Variants in NRL observed in about 807,000 individuals in gnomAD.
NRL encodes neural retina leucine zipper.
A neutral mutation model predicts 12.5 loss-of-function variants in NRL; 16 were observed. That is an observed-to-expected ratio of 1.28 (90% CI 0.87 to 1.95). NRL has a LOEUF of 1.95. Ranked by LOEUF, NRL falls within the 30% of genes most tolerant of loss-of-function variation. NRL has a pLI of 0.00. For missense variants in NRL, 314 were observed against 325.8 expected (o/e 0.96, Z 0.28); for synonymous variants, 142 against 150.9 (o/e 0.94, Z 0.43).
chr14:24,094,361 G>A lies in NRL; in HGVS notation c.-27-11486C>T. 1 of 1,519,086 alleles carries A rather than the reference G, an allele frequency of 6.6e-7. No homozygotes were observed. The highest frequency in any genetic ancestry group is 8.9e-7 in the Non-Finnish European group (1 of 1,129,310). 94.1% of individuals were successfully genotyped at this position (1,519,086 alleles called of 1,614,324 possible). On this transcript the variant is annotated intron_variant, in intron 1 of 2. Transcript: ENST00000561028. The surrounding 1 kb of genome is among the most constrained non-coding windows in gnomAD (Gnocchi z 4.1). ...CTTCCCCGCCTTCCATACCTCCCCG[G>A]CTCCGCTCGGTTCCTGGCCACCCCG...
intron 1 of NRL, among the ~76,000 whole-genome samples, chr14:24,109,214 A>G (rs756809662): frequency 2.6e-4 from 39 of 152,228 alleles, no homozygotes; most frequent in Non-Finnish European, 4.1e-4. Context: ...AACGTACCAA[A>G]TTTCAAAATC....
At chr14:24,091,119 CTGTGTGTGTGTGTGTGTGTGTG>C (rs55656236) in intron 1 of NRL, among the ~76,000 whole-genome samples, 10 of 138,644 alleles carry the variant, frequency 7.2e-5, no homozygotes, top group Admixed American at 2.1e-4. Context: ...CAGAAAAGGC[CTGTGTGTGTGTGTGTGTGTGTG>C]TGTGTGTGTG....
intron 1 of NRL, 57 bp from the exon 2 acceptor site, chr14:24,082,932 AC>A (rs1423362104): frequency 6.7e-7 from 1 of 1,502,674 alleles, no homozygotes; most frequent in African/African-American, 1.4e-5. Flanking sequence ...TCCCCTCTTC[AC>A]CAAGTCCCTC....
In NRL at chr14:24,103,814, C is replaced by T. The variant is rs367870843; in HGVS notation, c.-28+10908G>A. The T allele has an allele frequency of 3.1e-6, 5 of 1,614,026 alleles. No homozygotes were observed. In the African/African-American group the frequency reaches 4.0e-5, roughly 13 times the overall value. On this transcript the variant is annotated intron_variant, in intron 1 of 2. Transcript: ENST00000561028. Reference sequence around the variant, plus strand: ...ATCTCAGCGGCCTCAGAGCTATAGACACCACTCAGCTGTTCTCCCTCCCCA... The same window carrying T: ...ATCTCAGCGGCCTCAGAGCTATAGATACCACTCAGCTGTTCTCCCTCCCCA...
chr14:24,101,365 G>A lies in NRL; in HGVS notation c.-28+13357C>T, dbSNP rs139661635. 3.2e-3 allele frequency among the ~76,000 whole-genome samples: 490 copies of A among 152,250 alleles called. 3 individuals carry two copies. Among genetic ancestry groups the A allele is most frequent in the African/African-American group, 0.011 (449 of 41,538 alleles). On this transcript the variant is annotated intron_variant, in intron 1 of 2. Transcript: ENST00000561028. ...GGGAGAGGGTGGGGATTTTGGCCCC[G>A]TGGCTTCCCCACTCCCCAGGTCTGA...
chr14:24,102,841 AGAGGGTGTCCCCATT>A (rs1306733725), intron 1 of NRL: 11 of 1,613,998 alleles, frequency 6.8e-6, no homozygotes, highest in Non-Finnish European at 9.3e-6. Context: ...GGGAGGCCCC[AGAGGGTGTCCCCATT>A]GACGCCATCA....
In NRL at chr14:24,114,793, C is replaced by T. The variant is rs2037500209; in HGVS notation, c.-99G>A. ...GGGGCCGTCGTGTGACGTTTGCAGC[C>T]CGCCGGCCAGGAAGCCGCGAGATGC... On this transcript the variant is annotated 5_prime_UTR_variant, in exon 1 of 3. Coordinates refer to ENST00000561028, the MANE Select transcript of NRL (RefSeq NM_001354768.3). The T allele has an allele frequency of 7.1e-6, 7 of 985,846 alleles. No individual in the cohort carries two copies. Among genetic ancestry groups the T allele is most frequent in the Non-Finnish European group, 7.2e-6 (6 of 829,976 alleles). 61.1% of individuals were successfully genotyped at this position (985,846 alleles called of 1,614,324 possible).
rs569415989 is a variant in NRL, at chr14:24,091,928, G to A, written c.-27-9053C>T. On this transcript the variant is annotated intron_variant, in intron 1 of 2. Transcript: ENST00000561028. ...GCAGGCATCTTGGAGGTCAAGTGCG[G>A]CATTTGACCTTTGATTTAGGGTGTT... Among the ~76,000 whole-genome samples the A allele has an allele frequency of 2.6e-5, 4 of 152,236 alleles. No homozygotes were observed. The East Asian group carries it at 5.8e-4, about 22-fold the overall frequency.
chr14:24,098,450 A>T, intron 1 of NRL: 2 of 1,613,724 alleles, frequency 1.2e-6, no homozygotes, highest in Non-Finnish European at 1.7e-6. Context: ...GGAACCCTTC[A>T]TCCAGGGGAT....
intron 1 of NRL, among the ~76,000 whole-genome samples, chr14:24,083,109 G>GCA (rs2036370997): frequency 6.6e-6 from 1 of 152,244 alleles, no homozygotes; most frequent in African/African-American, 2.4e-5. Flanking sequence ...GAAGAGGACA[G>GCA]CACAGCCTCT....
rs1021548943 is a variant in NRL at position 24,091,196 on chromosome 14, G to T, written c.-27-8321C>A. ...GACAGAGTCTCACTGTGTTGCCCAG[G>T]CTGGAGTGCAGTGGTGCGATCTCGG... On this transcript the variant is annotated intron_variant, in intron 1 of 2. Coordinates refer to ENST00000561028, the MANE Select transcript of NRL (RefSeq NM_001354768.3). 3.3e-5 allele frequency among the ~76,000 whole-genome samples: 5 copies of T among 151,374 alleles called. No homozygotes were observed. In the East Asian group the frequency reaches 9.8e-4, roughly 30 times the overall value.
intron 1 of NRL, among the ~76,000 whole-genome samples, chr14:24,083,865 T>G (rs1338439744): frequency 6.6e-6 from 1 of 152,214 alleles, no homozygotes; most frequent in Non-Finnish European, 1.5e-5. Flanking sequence ...AAAAGTGTCC[T>G]AAACTTATGT....
chr14:24,089,279 G>A lies in NRL; in HGVS notation c.-27-6404C>T, dbSNP rs180761772. ...TCTTTTTTTTTTGAGACAGGGTCTC[G>A]CTCTGTTACCCAGGCTGGAGTGCAG... On this transcript the variant is annotated intron_variant, in intron 1 of 2. Coordinates refer to ENST00000561028, the MANE Select transcript of NRL (RefSeq NM_001354768.3). Among the ~76,000 whole-genome samples, 204 of 151,754 alleles carry A rather than the reference G, an allele frequency of 1.3e-3. 7 individuals are homozygous for A. The South Asian group carries it at 0.021, about 15-fold the overall frequency.
In NRL at chr14:24,094,031, C is replaced by T; in HGVS notation, c.-27-11156G>A. The T allele has an allele frequency of 1.9e-6, 1 of 531,206 alleles. No homozygotes were observed. The highest frequency in any genetic ancestry group is 3.3e-6 in the Non-Finnish European group (1 of 303,636). 32.9% of individuals were successfully genotyped at this position (531,206 alleles called of 1,614,324 possible). On this transcript the variant is annotated intron_variant, in intron 1 of 2. Coordinates refer to ENST00000561028, the MANE Select transcript of NRL (RefSeq NM_001354768.3). The surrounding 1 kb of genome is among the most constrained non-coding windows in gnomAD (Gnocchi z 4.1). ...TGTCTCTCCCGGGAGCAAGAGTCCT[C>T]AAAGTTACATCATGTGCGGCTGGGA...
rs995259583 is a variant in NRL at position 24,080,060 on chromosome 14, C to T, written c.*1176G>A. 2.6e-5 allele frequency: 4 copies of T among 152,346 alleles called. No homozygotes were observed. The highest frequency in any genetic ancestry group is 2.6e-4 in the Admixed American group (4 of 15,284). 9.4% of individuals were successfully genotyped at this position (152,346 alleles called of 1,614,324 possible). ...TTGCTCTCTCTCTCTCTCCCTCTCT[C>T]TCCCTCTCCCACACACAGACACACA... On this transcript the variant is annotated 3_prime_UTR_variant, in exon 3 of 3. Coordinates refer to ENST00000561028, the MANE Select transcript of NRL (RefSeq NM_001354768.3).
chr14:24,095,141 A>G (rs1194690897), intron 1 of NRL: 3 of 455,914 alleles, frequency 6.6e-6, no homozygotes, highest in African/African-American at 6.0e-5. Flanking sequence ...CTCTCTTCTC[A>G]GCTTTTGTCC....
Position 24,094,881 on chromosome 14 carries a change from C to T in NRL, c.-27-12006G>A. Reference sequence around the variant, plus strand: ...CCCGGGAGACTAAGCTCAGAGCCCCCTAAAGAAGGTGGAAGGTTAAATATC... The same window carrying T: ...CCCGGGAGACTAAGCTCAGAGCCCCTTAAAGAAGGTGGAAGGTTAAATATC... On this transcript the variant is annotated intron_variant, in intron 1 of 2. Coordinates refer to ENST00000561028, the MANE Select transcript of NRL (RefSeq NM_001354768.3). This position sits in a 1 kb window ranked among gnomAD's most constrained non-coding sequence, Gnocchi z 4.1. The T allele has an allele frequency of 7.9e-7, 1 of 1,273,328 alleles. No individual in the cohort carries two copies. Among genetic ancestry groups the T allele is most frequent in the Non-Finnish European group, 1.0e-6 (1 of 972,408 alleles). The allele number at this position is 1,273,328 out of a possible 1,614,324, so 78.9% of individuals were successfully genotyped here. A position where few individuals can be genotyped will look rare whatever the true frequency, so the allele number is the denominator to read the frequency against.
At chr14:24,098,427 T>C in intron 1 of NRL, 1 of 1,612,498 alleles carries the variant, frequency 6.2e-7, no homozygotes, top group Admixed American at 1.7e-5. Flanking sequence ...GCACGGAAGA[T>C]GTGAACAGGT....
intron 1 of NRL, chr14:24,103,466 C>T (rs2037247733): frequency 6.7e-7 from 1 of 1,482,602 alleles, no homozygotes; most frequent in Non-Finnish European, 9.1e-7. Context: ...CTTCCCTACC[C>T]CAGTGAGAAG....
Sources: allele counts gnomAD v4.1 joint callset (sites outside exome capture counted in the v4.1 genomes callset), GRCh38; gene constraint gnomAD v4.1.1; non-coding constraint Gnocchi (gnomAD v3.1); transcripts MANE v1.5; gene names NCBI Gene and HGNC (gene_info 2026-07-23, HGNC 2026-07-21).